PRIM2: variants seen among roughly 807,000 people sequenced by gnomAD.
PRIM2 encodes DNA primase large subunit.
Under a neutral mutation model 67.3 loss-of-function variants are expected in PRIM2, and 39 were observed. The observed-to-expected ratio is 0.58, with a 90% CI of 0.45 to 0.76. PRIM2 has a LOEUF of 0.76. Among genes scored for constraint, PRIM2 ranks in the 30% least tolerant of loss-of-function variants. The pLI is 0.00. For synonymous variants in PRIM2, 143 were observed against 198.7 expected, an observed-to-expected ratio of 0.72 and a Z score of 2.36; for missense variants, 398 against 598.7, an observed-to-expected ratio of 0.66 and a Z score of 3.50.
At chr6:57,387,376 C>T (rs1770188160) in intron 7 of PRIM2, among the ~76,000 whole-genome samples, 1 of 152,066 alleles carries the variant, frequency 6.6e-6, no homozygotes, top group African/African-American at 2.4e-5. Flanking sequence ...CACTATAAGT[C>T]ACTGAGAGAG....
intron 7 of PRIM2, among the ~76,000 whole-genome samples, chr6:57,449,559 T>A (rs1332076151): frequency 9.2e-4 from 140 of 152,288 alleles, no homozygotes; most frequent in African/African-American, 3.4e-3. Flanking sequence ...TGAATAGGTA[T>A]TTTTATTCTT....
At chr6:57,453,583 T>C (rs1772638231) in intron 7 of PRIM2, among the ~76,000 whole-genome samples, 1 of 152,218 alleles carries the variant, frequency 6.6e-6, no homozygotes, top group South Asian at 2.1e-4. Flanking sequence ...TTTGGCTCTC[T>C]GTTTGTCTGT....
At chr6:57,530,059 A>G (rs1455828616) in intron 8 of PRIM2, among the ~76,000 whole-genome samples, 3 of 152,114 alleles carry the variant, frequency 2.0e-5, no homozygotes, top group Non-Finnish European at 2.9e-5. Context: ...TCATTAATCT[A>G]TTAATCCTCT....
At chr6:57,540,255 A>T (rs1210810308) in intron 10 of PRIM2, among the ~76,000 whole-genome samples, 4 of 152,100 alleles carry the variant, frequency 2.6e-5, no homozygotes, top group Non-Finnish European at 5.9e-5. Context: ...TTACACACAC[A>T]TGCACACAGA....
chr6:57,573,248 G>A lies in PRIM2; in HGVS notation c.1021-27845G>A, dbSNP rs1167327696. 2.6e-5 allele frequency among the ~76,000 whole-genome samples: 4 copies of A among 152,176 alleles called. No individual in the cohort carries two copies. The East Asian group carries it at 5.8e-4, about 22-fold the overall frequency. On this transcript the variant is annotated intron_variant, in intron 10 of 13. Transcript: ENST00000615550. ...TTATTCCCGTAATTTTACATGTGTT[G>A]TGTTTCTCATTATTGTTCTGCTCAT... is the stretch of plus-strand genomic sequence containing the variant.
the PRIM2 span, among the ~76,000 whole-genome samples, chr6:57,256,476 T>G: frequency 0.016 from 2,473 of 152,314 alleles, 52 homozygotes; most frequent in African/African-American, 0.056. Flanking sequence ...ATAACGTAAG[T>G]CACATTATTA....
intron 7 of PRIM2, among the ~76,000 whole-genome samples, chr6:57,460,197 T>G (rs1177802930): frequency 2.6e-5 from 4 of 152,064 alleles, no homozygotes; most frequent in Non-Finnish European, 4.4e-5. Context: ...GTAGAACATT[T>G]TACTTATACT....
chr6:57,329,551 T>G (rs1767983964), intron 5 of PRIM2, among the ~76,000 whole-genome samples: 1 of 152,098 alleles, frequency 6.6e-6, no homozygotes, highest in Non-Finnish European at 1.5e-5. Context: ...AACTGAATCA[T>G]GGGGGCAATC....
chr6:57,270,001 G>T, the PRIM2 span, among the ~76,000 whole-genome samples: 13 of 151,964 alleles, frequency 8.6e-5, no homozygotes, highest in African/African-American at 2.4e-4. Flanking sequence ...TATCTGTTTT[G>T]GTACCAGTAC....
At chr6:57,375,772 T>TA (rs869105393) in intron 5 of PRIM2, among the ~76,000 whole-genome samples, 1 of 151,872 alleles carries the variant, frequency 6.6e-6, no homozygotes, top group Admixed American at 6.6e-5. Context: ...CCCAGCTAAT[T>TA]AAAAAAAATT....
chr6:57,335,609 C>T lies in PRIM2; in HGVS notation c.459+9564C>T, dbSNP rs1048139121. Among the ~76,000 whole-genome samples, 4 of 152,290 alleles carry T rather than the reference C, an allele frequency of 2.6e-5. No homozygotes were observed. The East Asian group carries it at 7.7e-4, about 29-fold the overall frequency. On this transcript the variant is annotated intron_variant, in intron 5 of 13. Transcript: ENST00000615550. ...ACCCCCCAGCAGGGGCAGACTGACA[C>T]CTCACATGGCCAGGTACTCCAACAG...
At chr6:57,362,956 G>C (rs756779935) in intron 5 of PRIM2, among the ~76,000 whole-genome samples, 41 of 152,258 alleles carry the variant, frequency 2.7e-4, no homozygotes, top group Non-Finnish European at 3.8e-4. Flanking sequence ...CCGGGGTGGT[G>C]GTGGGTACAA....
intron 3 of PRIM2, 101 bp downstream of exon 3, chr6:57,320,661 A>C: frequency 1.5e-6 from 1 of 679,812 alleles, no homozygotes. Flanking sequence ...GGCTTTTATA[A>C]AGACTAATGT....
chr6:57,592,842 G>A (rs1776304781), intron 10 of PRIM2, among the ~76,000 whole-genome samples: 3 of 151,710 alleles, frequency 2.0e-5, no homozygotes, highest in African/African-American at 7.3e-5. Context: ...TTTCCTTGTA[G>A]GAAAGACTTT....
chr6:57,419,932 G>C (rs1334107591), intron 7 of PRIM2, among the ~76,000 whole-genome samples: 4 of 152,156 alleles, frequency 2.6e-5, no homozygotes, highest in Admixed American at 6.5e-5. Context: ...ATTTGGAACT[G>C]AGGAAACAGA....
At chr6:57,595,421 G>A (rs1357538502) in intron 10 of PRIM2, among the ~76,000 whole-genome samples, 6 of 152,110 alleles carry the variant, frequency 3.9e-5, no homozygotes, top group Non-Finnish European at 7.4e-5. Context: ...GATGCTAGCC[G>A]GATAGCCTAT....
chr6:57,430,265 T>C (rs1771771826), intron 7 of PRIM2, among the ~76,000 whole-genome samples: 1 of 152,122 alleles, frequency 6.6e-6, no homozygotes, highest in Admixed American at 6.6e-5. Flanking sequence ...TATATGAATG[T>C]TATTCTGAAG....
chr6:57,638,808 A>G (rs1187920291), intron 13 of PRIM2, among the ~76,000 whole-genome samples: 2 of 152,164 alleles, frequency 1.3e-5, no homozygotes, highest in East Asian at 3.9e-4. Flanking sequence ...GCACAATAAT[A>G]GTGGGAGACT....
At chr6:57,420,058 T>A (rs1325805363) in intron 7 of PRIM2, among the ~76,000 whole-genome samples, 3 of 152,170 alleles carry the variant, frequency 2.0e-5, no homozygotes, top group East Asian at 3.9e-4. Context: ...CAGTGTCTTT[T>A]TGGTGGTTGC....
Sources: allele counts gnomAD v4.1 joint callset (sites outside exome capture counted in the v4.1 genomes callset), GRCh38; gene constraint gnomAD v4.1.1; transcripts MANE v1.5; gene names NCBI Gene and HGNC (gene_info 2026-07-23, HGNC 2026-07-21).